Variants in SLC44A5 observed in about 807,000 individuals in gnomAD.
SLC44A5 encodes the protein solute carrier family 44 member 5.
Under a neutral mutation model 101.8 loss-of-function variants are expected in SLC44A5, and 57 were observed. The observed-to-expected ratio is 0.56, with a 90% confidence interval of 0.45 to 0.70. The LOEUF (loss-of-function observed/expected upper bound fraction) is 0.70. Among genes scored for constraint, SLC44A5 ranks in the 30% least tolerant of loss-of-function variants. The probability of loss-of-function intolerance (pLI) is 0.00; values close to 1 mark genes in which losing one functional copy is unlikely to be tolerated. For synonymous variants in SLC44A5, 281 were observed against 290.9 expected, an observed-to-expected ratio of 0.97 and a Z score of 0.35; for missense variants, 737 against 853.1, an observed-to-expected ratio of 0.86 and a Z score of 1.70.
chr1:75,290,671 G>T (rs80304944), intron 5 of SLC44A5, among the ~76,000 whole-genome samples: 7,275 of 152,210 alleles, frequency 0.048, 236 homozygotes, highest in Middle Eastern at 0.12. Context: ...GAGGACAAGA[G>T]AGCCACTTGC....
chr1:75,660,590 A>G, the SLC44A5 span, among the ~76,000 whole-genome samples: 5 of 152,182 alleles, frequency 3.3e-5, no homozygotes, highest in African/African-American at 1.2e-4. Flanking sequence ...AGATGTTAGC[A>G]AAAAACTAGT....
chr1:75,422,368 T>G (rs1022114968), intron 2 of SLC44A5, among the ~76,000 whole-genome samples: 1 of 152,108 alleles, frequency 6.6e-6, no homozygotes, highest in Non-Finnish European at 1.5e-5. Flanking sequence ...TTTCCCAGAG[T>G]GCATAGCACA....
chr1:75,472,351 G>A (rs763341946), intron 2 of SLC44A5, among the ~76,000 whole-genome samples: 12 of 152,042 alleles, frequency 7.9e-5, no homozygotes, highest in Non-Finnish European at 1.6e-4. Flanking sequence ...CTGTTTAGAT[G>A]TGGTACCCAT....
the SLC44A5 span, among the ~76,000 whole-genome samples, chr1:75,712,685 AC>A: frequency 7.1e-6 from 1 of 141,396 alleles, no homozygotes; most frequent in Admixed American, 7.4e-5. Flanking sequence ...AGAAGACAAA[AC>A]AAGCATTTGA....
At chr1:75,289,262 A>G (rs1036887223) in intron 5 of SLC44A5, among the ~76,000 whole-genome samples, 1 of 152,218 alleles carries the variant, frequency 6.6e-6, no homozygotes, top group Non-Finnish European at 1.5e-5. Flanking sequence ...GGTCTAAAAT[A>G]CCTGTCAGAG....
In SLC44A5 at chr1:75,219,608, A is replaced by C. The variant is rs187635044; in HGVS notation, c.1178+192T>G. 2.4e-3 allele frequency among the ~76,000 whole-genome samples: 369 copies of C among 152,268 alleles called. 1 individual carries two copies. The highest frequency in any genetic ancestry group is 0.014 in the Middle Eastern group (4 of 294). ...TATCATGTGGAGACAAAATAAAACA[A>C]ATCTACAATATGAACTATTTGAGGG... On this transcript the variant is annotated intron_variant, in intron 15 of 23. Transcript: ENST00000370859.
intron 2 of SLC44A5, among the ~76,000 whole-genome samples, chr1:75,414,214 C>T (rs562794291): frequency 5.9e-5 from 9 of 151,824 alleles, no homozygotes; most frequent in African/African-American, 1.9e-4. Flanking sequence ...CATATTCTTC[C>T]CGACCACTGA....
At chr1:75,302,248 T>C (rs770565545) in intron 4 of SLC44A5, among the ~76,000 whole-genome samples, 11 of 151,136 alleles carry the variant, frequency 7.3e-5, no homozygotes, top group Non-Finnish European at 1.5e-4. Flanking sequence ...TCAGAGCAGT[T>C]GTTACATACC....
intron 3 of SLC44A5, among the ~76,000 whole-genome samples, chr1:75,373,142 A>T (rs543196838): frequency 6.6e-6 from 1 of 152,338 alleles, no homozygotes; most frequent in Admixed American, 6.5e-5. Context: ...GGCTGACTAG[A>T]TGCAGCTGGG....
rs536173750 is a variant in SLC44A5, at chr1:75,593,954, C to T, written c.-70+17086G>A. ...TAATAAGACATACTATTTGATAGCA[C>T]AACAGGGTGACTATACATTTTAAAA... On this transcript the variant is annotated intron_variant, in intron 1 of 23. Coordinates refer to ENST00000370859, the MANE Select transcript of SLC44A5 (RefSeq NM_001130058.2). Among the ~76,000 whole-genome samples, 3 of 152,046 alleles carry T rather than the reference C, an allele frequency of 2.0e-5. No homozygotes were observed. In the South Asian group the frequency reaches 6.3e-4, roughly 32 times the overall value.
intron 12 of SLC44A5, among the ~76,000 whole-genome samples, chr1:75,230,943 A>G (rs1018194627): frequency 6.6e-6 from 1 of 152,114 alleles, no homozygotes; most frequent in African/African-American, 2.4e-5. Context: ...TAATTCCCAT[A>G]TTTGAATTCT....
chr1:75,703,492 C>T, the SLC44A5 span, among the ~76,000 whole-genome samples: 2 of 151,106 alleles, frequency 1.3e-5, no homozygotes, highest in Non-Finnish European at 2.9e-5. Context: ...AGGGGAACAT[C>T]GCACAGCGGG....
intron 4 of SLC44A5, among the ~76,000 whole-genome samples, chr1:75,316,151 C>T (rs1288366227): frequency 6.6e-6 from 1 of 152,194 alleles, no homozygotes; most frequent in Non-Finnish European, 1.5e-5. Flanking sequence ...TAGTCTGGCC[C>T]TTGCTAAGCT....
chr1:75,297,213 A>G (rs1236839333), intron 5 of SLC44A5, among the ~76,000 whole-genome samples: 1 of 152,242 alleles, frequency 6.6e-6, no homozygotes, highest in Non-Finnish European at 1.5e-5. Context: ...AGCACTTCCT[A>G]AGTAAATACA....
chr1:75,691,564 G>T, the SLC44A5 span, among the ~76,000 whole-genome samples: 1 of 152,164 alleles, frequency 6.6e-6, no homozygotes, highest in African/African-American at 2.4e-5. Flanking sequence ...AAATGAAAAA[G>T]GGGGAAAATC....
the SLC44A5 span, among the ~76,000 whole-genome samples, chr1:75,625,978 T>C: frequency 4.6e-5 from 7 of 152,164 alleles, no homozygotes; most frequent in Non-Finnish European, 1.0e-4. Flanking sequence ...AAGTAGGGCA[T>C]ATAGTTATCT....
intron 1 of SLC44A5, among the ~76,000 whole-genome samples, chr1:75,553,807 GC>G (rs1672068303): frequency 6.6e-6 from 1 of 152,174 alleles, no homozygotes; most frequent in Non-Finnish European, 1.5e-5. Flanking sequence ...GGTTGCACAT[GC>G]ATGGAATACT....
intron 2 of SLC44A5, among the ~76,000 whole-genome samples, chr1:75,478,341 G>C (rs956537577): frequency 9.9e-5 from 15 of 152,126 alleles, no homozygotes; most frequent in African/African-American, 1.9e-4. Flanking sequence ...GAAACTGCAT[G>C]AACTAACGAG....
At chr1:75,309,181 T>C (rs1229606945) in intron 4 of SLC44A5, among the ~76,000 whole-genome samples, 1 of 152,210 alleles carries the variant, frequency 6.6e-6, no homozygotes, top group Admixed American at 6.5e-5. Flanking sequence ...TAGCGGCTCA[T>C]GCCTGTAATT....
Sources: gnomAD v4.1 joint callset for allele counts (sites outside exome capture counted in the v4.1 genomes callset) on GRCh38, gnomAD v4.1.1 for gene constraint, MANE v1.5 for transcripts, NCBI Gene and HGNC (gene_info 2026-07-23, HGNC 2026-07-21) for gene names.